The following POLDIP3 variants were observed in gnomAD, a reference collection of about 807,000 sequenced individuals.
The protein encoded by POLDIP3 is DNA polymerase delta interacting protein 3, also known as polymerase delta-interacting protein 3.
Under a neutral mutation model 45.1 loss-of-function variants are expected in POLDIP3, and 14 were observed. The ratio of observed to expected loss-of-function variants is 0.31; its 90% CI spans 0.20 to 0.49. The LOEUF (loss-of-function observed/expected upper bound fraction) is 0.49. Among genes scored for constraint, POLDIP3 ranks in the 20% least tolerant of loss-of-function variants. POLDIP3 has a pLI of 0.99. For missense variants in POLDIP3, 511 were observed against 538.8 expected, an observed-to-expected ratio of 0.95 and a Z score of 0.51; for synonymous variants, 223 against 205.2, an observed-to-expected ratio of 1.09 and a Z score of -0.74.
intron 8 of POLDIP3, among the ~76,000 whole-genome samples, chr22:42,586,305 C>T (rs1053630745): frequency 5.3e-5 from 8 of 151,210 alleles, no homozygotes; most frequent in African/African-American, 1.2e-4. Flanking sequence ...AAAATGGAGA[C>T]GCAGGCAGTG....
chr22:42,589,242 C>CA (rs548287361), intron 7 of POLDIP3, among the ~76,000 whole-genome samples: 5,585 of 64,388 alleles, frequency 0.087, 154 homozygotes, highest in South Asian at 0.14. Flanking sequence ...GACTCCGTCT[C>CA]AAAAAAAAAA....
chr22:42,593,427 AC>A (rs1267841600), intron 6 of POLDIP3, among the ~76,000 whole-genome samples: 1 of 152,174 alleles, frequency 6.6e-6, no homozygotes, highest in African/African-American at 2.4e-5. Context: ...TTAGTTTTCC[AC>A]CATTATGTAT....
Position 42,585,987 on chromosome 22 carries a change from A to G in POLDIP3, c.1089-19T>C, listed in dbSNP as rs908757900. 4 of 1,578,762 alleles carry G rather than the reference A, an allele frequency of 2.5e-6. No homozygotes were observed. Among genetic ancestry groups the G allele is most frequent in the Non-Finnish European group, 3.4e-6 (4 of 1,162,950 alleles). ...CAGCCGCCTGTGGAGAGCAGAGAAG[A>G]GTCAAAAATTCTTGTCAGTTTTTCC... On this transcript the variant is annotated intron_variant, in intron 8 of 8. Transcript: ENST00000252115.
intron 8 of POLDIP3, among the ~76,000 whole-genome samples, chr22:42,586,310 G>T (rs1925308820): frequency 6.7e-6 from 1 of 150,070 alleles, no homozygotes; most frequent in Non-Finnish European, 1.5e-5. Context: ...GGAGACGCAG[G>T]CAGTGCTGTA....
rs1233035994 is a variant in POLDIP3, at chr22:42,601,358, A to G, written c.537+612T>C. 3.2e-4 allele frequency among the ~76,000 whole-genome samples: 48 copies of G among 148,224 alleles called. 1 individual carries two copies. The highest frequency in any genetic ancestry group is 1.2e-3 in the African/African-American group (48 of 39,346). Reference sequence around the variant, plus strand: ...CGAGACCCCGTTCTCCAGAAAAAGGAAAAAAAAACAAAACAAAAGACAAAA... The same window carrying G: ...CGAGACCCCGTTCTCCAGAAAAAGGGAAAAAAAACAAAACAAAAGACAAAA... On this transcript the variant is annotated intron_variant, in intron 3 of 8. Coordinates refer to ENST00000252115, the MANE Select transcript of POLDIP3 (RefSeq NM_032311.5).
chr22:42,584,842 G>T lies in POLDIP3; in HGVS notation c.*949C>A, dbSNP rs1925192197. 2.2e-6 allele frequency: 1 copy of T among 454,872 alleles called. No individual in the cohort carries two copies. Among genetic ancestry groups the T allele is most frequent in the Non-Finnish European group, 4.4e-6 (1 of 226,394 alleles). The allele number at this position is 454,872 out of a possible 1,614,324, so 28.2% of individuals were successfully genotyped here. A position where few individuals can be genotyped will look rare whatever the true frequency, so the allele number is the denominator to read the frequency against. On this transcript the variant is annotated 3_prime_UTR_variant, in exon 9 of 9. Coordinates refer to ENST00000252115, the MANE Select transcript of POLDIP3 (RefSeq NM_032311.5). Reference sequence around the variant, plus strand: ...CCTGACCACTGTCCTGTAGACAACTGAGGCCAGAAATGGAGAGCCAGGAAC... The same window carrying T: ...CCTGACCACTGTCCTGTAGACAACTTAGGCCAGAAATGGAGAGCCAGGAAC...
rs561226853 is a variant in POLDIP3 at position 42,608,544 on chromosome 22, A to C, written c.60-5384T>G. 1.3e-4 allele frequency among the ~76,000 whole-genome samples: 20 copies of C among 152,320 alleles called. No homozygotes were observed. In the South Asian group the frequency reaches 3.9e-3, roughly 30 times the overall value. On this transcript the variant is annotated intron_variant, in intron 1 of 8. Transcript: ENST00000252115. ...TATGTTGTTAAACCCTTAAAAATTT[A>C]TACATATATATAAAGGAAGGATAAA...
chr22:42,586,011 C>G, intron 8 of POLDIP3, 43 bp from the exon 9 acceptor site: 1 of 1,531,874 alleles, frequency 6.5e-7, no homozygotes, highest in Non-Finnish European at 8.8e-7. Context: ...GTCAGTTTTT[C>G]CTTAGATGGG....
At position 42,583,909 on chromosome 22, in the gene POLDIP3, G is replaced by C. The variant is rs567847566; in HGVS notation, c.*1882C>G. 2 of 152,546 alleles carry C rather than the reference G, an allele frequency of 1.3e-5. No individual in the cohort carries two copies. Among genetic ancestry groups the C allele is most frequent in the East Asian group, 3.9e-4 (2 of 5,170 alleles). The allele number at this position is 152,546 out of a possible 1,614,324, so 9.4% of individuals were successfully genotyped here. A position where few individuals can be genotyped will look rare whatever the true frequency, so the allele number is the denominator to read the frequency against. ...GTCTCCCAAGATGACTGCTTATAGA[G>C]TGGAGGAGGCAAACAGGTCCCCTCA... On this transcript the variant is annotated 3_prime_UTR_variant, in exon 9 of 9. Coordinates refer to ENST00000252115, the MANE Select transcript of POLDIP3 (RefSeq NM_032311.5).
chr22:42,598,758 G>A (rs945105815), intron 4 of POLDIP3, among the ~76,000 whole-genome samples: 3 of 152,310 alleles, frequency 2.0e-5, no homozygotes, highest in African/African-American at 7.2e-5. Flanking sequence ...GTCTTTGAGC[G>A]TCTGAAGGAA....
intron 1 of POLDIP3, among the ~76,000 whole-genome samples, chr22:42,611,045 T>C: frequency 6.6e-6 from 1 of 152,250 alleles, no homozygotes; most frequent in East Asian, 1.9e-4. Flanking sequence ...AGATAGCACC[T>C]CACCATGGAG....
chr22:42,592,137 G>T (rs924529840), intron 6 of POLDIP3, 53 bp from the exon 7 acceptor site: 5 of 1,609,000 alleles, frequency 3.1e-6, no homozygotes, highest in Non-Finnish European at 3.4e-6. Context: ...AGCACCTGCC[G>T]CTCACACACT....
rs572919703 is a variant in POLDIP3 at position 42,601,205 on chromosome 22, T to C, written c.537+765A>G. Among the ~76,000 whole-genome samples the C allele has an allele frequency of 7.9e-5, 12 of 151,688 alleles. No individual in the cohort carries two copies. In the South Asian group the frequency reaches 8.3e-4, roughly 10 times the overall value. On this transcript the variant is annotated intron_variant, in intron 3 of 8. Coordinates refer to ENST00000252115, the MANE Select transcript of POLDIP3 (RefSeq NM_032311.5). The stretch of plus-strand genomic sequence containing the variant: ...TGGCAAGTTTTCTATATTAAGCACA[T>C]AGAACTTTTATTTAAAAAAATTAGG...
chr22:42,589,365 CA>C (rs563607295), intron 7 of POLDIP3, among the ~76,000 whole-genome samples: 14 of 150,576 alleles, frequency 9.3e-5, no homozygotes, highest in Non-Finnish European at 1.8e-4. Flanking sequence ...TTTAAAACAA[CA>C]AAAAAAGTGA....
At chr22:42,593,720 T>G (rs1160879375) in intron 6 of POLDIP3, among the ~76,000 whole-genome samples, 2 of 152,208 alleles carry the variant, frequency 1.3e-5, no homozygotes, top group African/African-American at 2.4e-5. Context: ...GGTTTTGCCA[T>G]GTTGGCCAGG....
intron 1 of POLDIP3, among the ~76,000 whole-genome samples, chr22:42,607,939 G>A (rs1024599574): frequency 6.6e-6 from 1 of 150,800 alleles, no homozygotes; most frequent in African/African-American, 2.4e-5. Context: ...AGGGAGGTGG[G>A]GGGCAGCCCC....
At chr22:42,607,295 T>C (rs999866465) in intron 1 of POLDIP3, among the ~76,000 whole-genome samples, 82 of 152,360 alleles carry the variant, frequency 5.4e-4, no homozygotes, top group African/African-American at 1.9e-3. Flanking sequence ...TATTTTTTGG[T>C]GGAGACGGGG....
intron 1 of POLDIP3, among the ~76,000 whole-genome samples, chr22:42,608,957 C>A (rs1030422238): frequency 1.3e-5 from 2 of 152,208 alleles, no homozygotes; most frequent in Non-Finnish European, 2.9e-5. Flanking sequence ...ATCACAGCTG[C>A]TCTTCCTGCA....
chr22:42,609,750 TA>T (rs1338366224), intron 1 of POLDIP3, among the ~76,000 whole-genome samples: 6 of 152,092 alleles, frequency 3.9e-5, no homozygotes, highest in East Asian at 3.9e-4. Context: ...GCTTCTGGGT[TA>T]GGGGGTGTTC....
Sources: gnomAD v4.1 joint callset for allele counts (sites outside exome capture counted in the v4.1 genomes callset) on GRCh38, gnomAD v4.1.1 for gene constraint, MANE v1.5 for transcripts, NCBI Gene and HGNC (gene_info 2026-07-23, HGNC 2026-07-21) for gene names.